The following PDE10A variants were observed in gnomAD, a reference collection of about 807,000 sequenced individuals.
The protein encoded by PDE10A is phosphodiesterase 10A, also known as cAMP and cAMP-inhibited cGMP 3',5'-cyclic phosphodiesterase 10A.
Under a neutral mutation model 97.7 loss-of-function variants are expected in PDE10A, and 39 were observed. The observed-to-expected ratio is 0.40, with a 90% CI of 0.31 to 0.52. The LOEUF is 0.52. PDE10A is among the 20% of genes least tolerant of loss of function. The pLI is 0.56. For synonymous variants in PDE10A, 371 were observed against 376.8 expected, an observed-to-expected ratio of 0.98 and a Z score of 0.18; for missense variants, 731 against 1,047.8, an observed-to-expected ratio of 0.70 and a Z score of 4.17.
chr6:165,422,259 A>G (rs2128232752), intron 10 of PDE10A, among the ~76,000 whole-genome samples: 1 of 152,124 alleles, frequency 6.6e-6, no homozygotes, highest in Non-Finnish European at 1.5e-5. Flanking sequence ...CTACTCCCTT[A>G]TACACACACA....
chr6:165,484,763 G>A (rs1490818523), intron 2 of PDE10A, among the ~76,000 whole-genome samples: 1 of 152,176 alleles, frequency 6.6e-6, no homozygotes, highest in Admixed American at 6.5e-5. Flanking sequence ...GCTGCATCTG[G>A]TGGCAGCTTT....
rs188237025 is a variant in PDE10A at position 165,580,922 on chromosome 6, C to T, written c.866-37354G>A. Among the ~76,000 whole-genome samples the T allele has an allele frequency of 5.2e-3, 784 of 151,558 alleles. 8 individuals carry two copies. The highest frequency in any genetic ancestry group is 0.017 in the African/African-American group (706 of 41,368). On this transcript the variant is annotated intron_variant, in intron 1 of 21. Coordinates refer to ENST00000539869, the MANE Select transcript of PDE10A (RefSeq NM_001385079.1). ...CGATGAGAAAGAAGATGGTAAGTCT[C>T]CAACCCAATGAGAAAGAAGATGGTA... is the stretch of plus-strand genomic sequence containing the variant.
chr6:165,912,323 T>C (rs1335840082), intron 1 of PDE10A, among the ~76,000 whole-genome samples: 1 of 152,172 alleles, frequency 6.6e-6, no homozygotes, highest in Non-Finnish European at 1.5e-5. Flanking sequence ...AGGCATCTAC[T>C]CACAAAATAT....
intron 10 of PDE10A, among the ~76,000 whole-genome samples, chr6:165,426,573 G>C (rs751013763): frequency 6.6e-6 from 1 of 152,048 alleles, no homozygotes; most frequent in Non-Finnish European, 1.5e-5. Flanking sequence ...ATTTGGCTTA[G>C]ATATAAAACC....
chr6:165,473,261 A>G (rs570573920), intron 3 of PDE10A, among the ~76,000 whole-genome samples: 14 of 152,362 alleles, frequency 9.2e-5, no homozygotes, highest in Admixed American at 2.6e-4. Flanking sequence ...AGAAGACACT[A>G]GAAATAAACA....
intron 1 of PDE10A, among the ~76,000 whole-genome samples, chr6:165,881,930 G>A (rs1781491053): frequency 6.6e-6 from 1 of 152,134 alleles, no homozygotes; most frequent in African/African-American, 2.4e-5. Flanking sequence ...CTTATGCAAA[G>A]TGTGCCGCCC....
At chr6:165,821,643 C>T (rs1318567120) in intron 1 of PDE10A, among the ~76,000 whole-genome samples, 3 of 152,054 alleles carry the variant, frequency 2.0e-5, no homozygotes, top group Admixed American at 1.3e-4. Flanking sequence ...CTCAGCCTCC[C>T]GAGTAGCTGG....
At chr6:165,918,377 C>T (rs535963062) in intron 1 of PDE10A, among the ~76,000 whole-genome samples, 1 of 152,188 alleles carries the variant, frequency 6.6e-6, no homozygotes, top group South Asian at 2.1e-4. Context: ...ATTATAGTTG[C>T]CTTATTTTCA....
In PDE10A at chr6:165,474,651, G is replaced by A. The variant is rs544867203; in HGVS notation, c.1023+7664C>T. Among the ~76,000 whole-genome samples the A allele has an allele frequency of 1.3e-4, 20 of 151,870 alleles. No individual in the cohort carries two copies. In the South Asian group the frequency reaches 2.3e-3, roughly 17 times the overall value. Reference sequence around the variant, plus strand: ...GTAACAAACCTGCACATGCACCCTCGGTCCTAAAATAAAAGTCAGAAACAA... The same window carrying A: ...GTAACAAACCTGCACATGCACCCTCAGTCCTAAAATAAAAGTCAGAAACAA... On this transcript the variant is annotated intron_variant, in intron 3 of 21. Transcript: ENST00000539869.
In PDE10A at chr6:165,696,185, G is replaced by A. The variant is rs116082773; in HGVS notation, c.-614-152617C>T. Among the ~76,000 whole-genome samples the A allele has an allele frequency of 6.4e-3, 981 of 152,278 alleles. 12 individuals carry two copies. Among genetic ancestry groups the A allele is most frequent in the African/African-American group, 0.022 (928 of 41,560 alleles). ...AATAAACAAAGCAATAAGAAGCCCC[G>A]GGGAGAAGAAGACCAGTATCCAGAG... On this transcript the variant is annotated intron_variant, in intron 1 of 19. Coordinates refer to the PDE10A transcript ENST00000366882.
chr6:165,501,814 A>G (rs1780908110), intron 2 of PDE10A, among the ~76,000 whole-genome samples: 1 of 152,210 alleles, frequency 6.6e-6, no homozygotes, highest in African/African-American at 2.4e-5. Flanking sequence ...TAAAATATAT[A>G]TGGTAATGCA....
chr6:165,521,427 C>G (rs770929586), intron 2 of PDE10A, among the ~76,000 whole-genome samples: 1 of 152,138 alleles, frequency 6.6e-6, no homozygotes, highest in African/African-American at 2.4e-5. Flanking sequence ...GAGGAAGGCA[C>G]GTCAAAAGCT....
intron 1 of PDE10A, among the ~76,000 whole-genome samples, chr6:165,823,524 A>ATATG (rs72442429): frequency 0.029 from 2,280 of 79,216 alleles, 230 homozygotes; most frequent in Non-Finnish European, 0.043. Flanking sequence ...ATATATATAT[A>ATATG]TGAACCTTAA....
chr6:165,921,542 G>A (rs76528296), intron 1 of PDE10A, among the ~76,000 whole-genome samples: 10 of 152,318 alleles, frequency 6.6e-5, no homozygotes, highest in African/African-American at 2.4e-4. Flanking sequence ...GATCAGGAGT[G>A]CTGGGGATAC....
chr6:165,710,142 C>T (rs1230024420), intron 1 of PDE10A, among the ~76,000 whole-genome samples: 1 of 152,180 alleles, frequency 6.6e-6, no homozygotes, highest in African/African-American at 2.4e-5. Context: ...AGCGCCGCCA[C>T]TCTGAGAGAT....
At chr6:165,463,659 G>A (rs117299166) in intron 3 of PDE10A, among the ~76,000 whole-genome samples, 3,993 of 151,040 alleles carry the variant, frequency 0.026, 74 homozygotes, top group Non-Finnish European at 0.039. Flanking sequence ...AAAGAAGGGG[G>A]ACATGTTGGG....
At chr6:165,535,818 A>C (rs1004343866) in intron 2 of PDE10A, among the ~76,000 whole-genome samples, 4 of 151,996 alleles carry the variant, frequency 2.6e-5, no homozygotes, top group Non-Finnish European at 5.9e-5. Context: ...TTGATGAAAA[A>C]AACTGAAAGC....
At chr6:165,797,384 A>G (rs977092161) in intron 1 of PDE10A, among the ~76,000 whole-genome samples, 1 of 152,244 alleles carries the variant, frequency 6.6e-6, no homozygotes, top group Non-Finnish European at 1.5e-5. Flanking sequence ...TTCTAAAGCT[A>G]TCATTTATTC....
chr6:165,770,621 C>A (rs1170906189), intron 1 of PDE10A, among the ~76,000 whole-genome samples: 1 of 152,166 alleles, frequency 6.6e-6, no homozygotes, highest in African/African-American at 2.4e-5. Flanking sequence ...AGCCTGCAGC[C>A]CTCCATTCTG....
Sources: allele counts gnomAD v4.1 joint callset (sites outside exome capture counted in the v4.1 genomes callset), GRCh38; gene constraint gnomAD v4.1.1; transcripts MANE v1.5; gene names NCBI Gene and HGNC (gene_info 2026-07-23, HGNC 2026-07-21).